SLIT3: variants seen among roughly 807,000 people sequenced by gnomAD.
SLIT3 encodes the protein slit homolog 3 protein.
In SLIT3, 68 loss-of-function variants were observed where a neutral mutation model predicts 184.0. The ratio of observed to expected loss-of-function variants is 0.37; its 90% CI spans 0.30 to 0.45. The LOEUF (loss-of-function observed/expected upper bound fraction) is 0.45, where lower values mean the gene tolerates loss of function less well. Ranked by LOEUF, SLIT3 falls within the 20% of genes least tolerant of loss-of-function variation. The pLI is 1.00. For missense variants in SLIT3, 1,707 were observed against 2,026.0 expected, an observed-to-expected ratio of 0.84 and a Z score of 3.02; for synonymous variants, 831 against 828.6, an observed-to-expected ratio of 1.00 and a Z score of -0.05.
chr5:169,250,724 C>A (rs1189132871), intron 2 of SLIT3, among the ~76,000 whole-genome samples: 1 of 152,172 alleles, frequency 6.6e-6, no homozygotes, highest in Non-Finnish European at 1.5e-5. Flanking sequence ...AATTAACTAC[C>A]AAGTAAAGAT....
At chr5:169,209,544 C>T (rs1037372508) in intron 3 of SLIT3, among the ~76,000 whole-genome samples, 3 of 152,204 alleles carry the variant, frequency 2.0e-5, no homozygotes, top group Non-Finnish European at 4.4e-5. Context: ...GGAACCAACC[C>T]AAATGCCCAT....
At chr5:168,739,240 C>A (rs185615539) in intron 20 of SLIT3, among the ~76,000 whole-genome samples, 14 of 152,068 alleles carry the variant, frequency 9.2e-5, no homozygotes, top group Non-Finnish European at 1.5e-4. Context: ...CCATTCAAAG[C>A]GTAAGACAGA....
Position 169,300,486 on chromosome 5 carries a change from C to T in SLIT3, c.197+27G>A. ...CTCGGTGGGACCCAGGTGGGTGGCC[C>T]GCGTGGGGTGGGGCAGGGGTACTCA... On this transcript the variant is annotated intron_variant, in intron 1 of 35. Transcript: ENST00000519560. This position sits in a 1 kb window ranked among gnomAD's most constrained non-coding sequence, Gnocchi z 4.1. The T allele has an allele frequency of 9.7e-6, 14 of 1,441,832 alleles. No individual in the cohort carries two copies. The highest frequency in any genetic ancestry group is 1.2e-5 in the Non-Finnish European group (13 of 1,099,120). The allele number at this position is 1,441,832 out of a possible 1,614,324, so 89.3% of individuals were successfully genotyped here.
At chr5:168,809,397 T>A (rs1757090154) in intron 8 of SLIT3, among the ~76,000 whole-genome samples, 1 of 152,206 alleles carries the variant, frequency 6.6e-6, no homozygotes, top group African/African-American at 2.4e-5. Context: ...TAGCCTCTGA[T>A]AGCACCCTGG....
At chr5:169,183,208 G>A (rs970552939) in intron 4 of SLIT3, among the ~76,000 whole-genome samples, 6 of 152,214 alleles carry the variant, frequency 3.9e-5, no homozygotes, top group African/African-American at 1.4e-4. Flanking sequence ...AAGGGGGCAG[G>A]AATGTTAACA....
chr5:169,051,861 A>G lies in SLIT3; in HGVS notation c.413+141618T>C, dbSNP rs112924859. On this transcript the variant is annotated intron_variant, in intron 4 of 35. Coordinates refer to ENST00000519560, the MANE Select transcript of SLIT3 (RefSeq NM_003062.4). ...GAGAGTGAAAGAGGGAGAGGCAGAG[A>G]GAACACTAGCACTGTCGGCTCTCAT... 4.3e-3 allele frequency among the ~76,000 whole-genome samples: 658 copies of G among 152,316 alleles called. 7 individuals are homozygous for G. The highest frequency in any genetic ancestry group is 0.015 in the African/African-American group (624 of 41,568).
intron 1 of SLIT3, among the ~76,000 whole-genome samples, chr5:169,278,297 G>C (rs982557731): frequency 2.6e-5 from 4 of 152,164 alleles, no homozygotes; most frequent in Admixed American, 1.3e-4. Context: ...TGCTGCTTTA[G>C]AATCAGGAAG....
chr5:169,249,977 C>A (rs572858620), intron 2 of SLIT3, among the ~76,000 whole-genome samples: 1 of 152,340 alleles, frequency 6.6e-6, no homozygotes, highest in African/African-American at 2.4e-5. Flanking sequence ...CTCTGACAAG[C>A]CCCCACATTA....
intron 17 of SLIT3, among the ~76,000 whole-genome samples, chr5:168,753,392 TG>T (rs1754785169): frequency 6.6e-6 from 1 of 152,346 alleles, no homozygotes; most frequent in East Asian, 1.9e-4. Flanking sequence ...CACATATTTC[TG>T]GGAAGAGAAG....
chr5:169,207,366 TACATACAC>T (rs1165174904), intron 3 of SLIT3, among the ~76,000 whole-genome samples: 6 of 84,356 alleles, frequency 7.1e-5, no homozygotes, highest in African/African-American at 2.5e-4. Flanking sequence ...TACATACACA[TACATACAC>T]ACACACACAC....
In SLIT3 at chr5:168,669,877, G is replaced by A; in HGVS notation, c.4242C>T (p.Ala1414=). 6.2e-7 allele frequency: 1 copy of A among 1,614,222 alleles called. No individual in the cohort carries two copies. The highest frequency in any genetic ancestry group is 1.1e-5 in the South Asian group (1 of 91,088). The stretch of plus-strand genomic sequence containing the variant: ...GGCACTGCCCATGGTGACACTTGAA[G>A]GCTGAGCAGGCATTGGCAGAGTCAT... ...NKNDSANACS[A]FKCHHGQCHI... is the part of the protein sequence containing the mutation. Residue 1414 remains alanine, a synonymous_variant, in exon 35 of 36, where the codon GCC becomes GCT. Transcript: ENST00000519560.
intron 4 of SLIT3, among the ~76,000 whole-genome samples, chr5:169,189,452 G>A (rs114508652): frequency 0.019 from 2,771 of 146,962 alleles, 88 homozygotes; most frequent in African/African-American, 0.064. Flanking sequence ...GATTCTCTTC[G>A]CATGATTGTT....
chr5:168,742,419 A>G (rs1423204255), intron 20 of SLIT3, among the ~76,000 whole-genome samples: 2 of 142,410 alleles, frequency 1.4e-5, no homozygotes, highest in Non-Finnish European at 3.0e-5. Flanking sequence ...GGTGAAATGG[A>G]AGATGCAGAG....
Position 168,910,588 on chromosome 5 carries a change from C to CA in SLIT3, c.414-27253dup, listed in dbSNP as rs201122453. Among the ~76,000 whole-genome samples the CA allele has an allele frequency of 2.9e-3, 433 of 151,296 alleles. 8 individuals carry two copies. In the East Asian group the frequency reaches 0.043, roughly 15 times the overall value. On this transcript the variant is annotated intron_variant, in intron 4 of 35. Coordinates refer to ENST00000519560, the MANE Select transcript of SLIT3 (RefSeq NM_003062.4). ...GAAACCCTGTCTCTACTAAAAATTA[C>CA]AAAAAAAATTAGCCGCGTGTGGTGG... is the stretch of plus-strand genomic sequence containing the variant.
chr5:169,039,051 C>CT (rs146153080), intron 4 of SLIT3, among the ~76,000 whole-genome samples: 118 of 151,298 alleles, frequency 7.8e-4, no homozygotes, highest in South Asian at 6.3e-4. Context: ...CCTCAGTCAT[C>CT]TTTTTTTTTG....
intron 4 of SLIT3, among the ~76,000 whole-genome samples, chr5:169,096,996 G>A (rs1158728458): frequency 6.6e-6 from 1 of 152,172 alleles, no homozygotes; most frequent in Non-Finnish European, 1.5e-5. Flanking sequence ...GTTCCTGGGG[G>A]TTGTAACAAC....
Position 169,123,870 on chromosome 5 carries a change from CA to C in SLIT3, c.413+69608del, listed in dbSNP as rs1441547712. The stretch of plus-strand genomic sequence containing the variant: ...TTTGCTTGCTGATGTTCTAGGGGGC[CA>C]AAAAACCATAAAGTGTGCTTAATAT... On this transcript the variant is annotated intron_variant, in intron 4 of 35. Transcript: ENST00000519560. Among the ~76,000 whole-genome samples the C allele has an allele frequency of 1.4e-4, 22 of 152,032 alleles. No individual in the cohort carries two copies. The East Asian group carries it at 3.9e-3, about 27-fold the overall frequency.
At position 169,079,820 on chromosome 5, in the gene SLIT3, G is replaced by GGGAGGAGGAGGAGA. The variant is rs1265800388; in HGVS notation, c.413+113658_413+113659insTCTCCTCCTCCTCC. ...GGAGGAAGAGGGAAGGGGAAGAGGA[G>GGGAGGAGGAGGAGA]GAGGGAGGAGGAGGAGGGAGGGAGG... On this transcript the variant is annotated intron_variant, in intron 4 of 35. Coordinates refer to ENST00000519560, the MANE Select transcript of SLIT3 (RefSeq NM_003062.4). Among the ~76,000 whole-genome samples the GGGAGGAGGAGGAGA allele has an allele frequency of 4.6e-4, 9 of 19,544 alleles. 1 individual carries two copies. In the South Asian group the frequency reaches 0.026, roughly 56 times the overall value. 12.8% of individuals were successfully genotyped at this position (19,544 alleles called of 152,430 possible).
chr5:169,028,951 G>C (rs1756930154), intron 4 of SLIT3, among the ~76,000 whole-genome samples: 1 of 152,202 alleles, frequency 6.6e-6, no homozygotes, highest in Non-Finnish European at 1.5e-5. Context: ...GTGGCTTCAA[G>C]GCAAAGGGAG....
Sources: allele counts gnomAD v4.1 joint callset (sites outside exome capture counted in the v4.1 genomes callset), GRCh38; gene constraint gnomAD v4.1.1; non-coding constraint Gnocchi (gnomAD v3.1); transcripts MANE v1.5; gene names NCBI Gene and HGNC (gene_info 2026-07-23, HGNC 2026-07-21).